ZMYM4: variants seen among roughly 807,000 people sequenced by gnomAD.
ZMYM4 encodes zinc finger MYM-type protein 4.
ZMYM4 carries 31 observed loss-of-function variants against 183.2 expected under a neutral mutation model. The observed-to-expected ratio is 0.17, with a 90% CI of 0.13 to 0.23. The LOEUF (loss-of-function observed/expected upper bound fraction) is 0.23, where lower values mean the gene tolerates loss of function less well. Ranked by LOEUF, ZMYM4 falls within the 10% of genes least tolerant of loss-of-function variation. The pLI, the probability that ZMYM4 is intolerant of heterozygous loss-of-function variation, is 1.00. For synonymous variants in ZMYM4, 592 were observed against 631.2 expected, an observed-to-expected ratio of 0.94 and a Z score of 0.93; for missense variants, 1,273 against 1,840.3, an observed-to-expected ratio of 0.69 and a Z score of 5.64.
At chr1:35,276,780 T>C (rs1302495088) in intron 1 of ZMYM4, among the ~76,000 whole-genome samples, 1 of 152,112 alleles carries the variant, frequency 6.6e-6, no homozygotes, top group Non-Finnish European at 1.5e-5. Context: ...GCTTATTTTG[T>C]GTTTTTAGTA....
At chr1:35,343,916 A>C (rs1643297633) in intron 2 of ZMYM4, among the ~76,000 whole-genome samples, 1 of 151,996 alleles carries the variant, frequency 6.6e-6, no homozygotes, top group South Asian at 2.1e-4. Flanking sequence ...TTGTAGTTAC[A>C]CATACATTTT....
At chr1:35,382,843 G>C (rs1388185708) in intron 9 of ZMYM4, among the ~76,000 whole-genome samples, 1 of 152,076 alleles carries the variant, frequency 6.6e-6, no homozygotes, top group African/African-American at 2.4e-5. Flanking sequence ...ATCTCTCACA[G>C]ATAACAAATC....
At chr1:35,323,387 T>C (rs929245577) in intron 1 of ZMYM4, among the ~76,000 whole-genome samples, 4 of 152,090 alleles carry the variant, frequency 2.6e-5, no homozygotes, top group Non-Finnish European at 4.4e-5. Context: ...ATGAGAAATA[T>C]TGTATAAGAT....
intron 7 of ZMYM4, among the ~76,000 whole-genome samples, chr1:35,375,985 A>AATC (rs982997769): frequency 1.6e-4 from 24 of 152,110 alleles, no homozygotes; most frequent in African/African-American, 5.8e-4. Flanking sequence ...ATGAGGTGAG[A>AATC]GGATTTCTTG....
chr1:35,326,515 G>A (rs1401538911), intron 2 of ZMYM4, among the ~76,000 whole-genome samples: 6 of 152,118 alleles, frequency 3.9e-5, no homozygotes, highest in Non-Finnish European at 8.8e-5. Context: ...GTACTTTTCT[G>A]TGCTGATTAT....
At chr1:35,409,595 T>A (rs916547801) in intron 26 of ZMYM4, among the ~76,000 whole-genome samples, 1 of 152,132 alleles carries the variant, frequency 6.6e-6, no homozygotes, top group Non-Finnish European at 1.5e-5. Flanking sequence ...TCTATTTAAG[T>A]CCTGTCTTAG....
intron 1 of ZMYM4, among the ~76,000 whole-genome samples, chr1:35,281,770 A>ATTTCACCC (rs1380353782): frequency 1.3e-5 from 2 of 152,066 alleles, no homozygotes; most frequent in African/African-American, 4.8e-5. Context: ...ACCATTATTC[A>ATTTCACCC]TTTCACCCAC....
chr1:35,407,517 T>C (rs1645026102), intron 25 of ZMYM4, among the ~76,000 whole-genome samples: 1 of 152,200 alleles, frequency 6.6e-6, no homozygotes, highest in Non-Finnish European at 1.5e-5. Context: ...CATTAAGCAC[T>C]GTGAATTCTT....
chr1:35,322,073 A>G (rs1570349336), intron 1 of ZMYM4, among the ~76,000 whole-genome samples: 2 of 152,072 alleles, frequency 1.3e-5, no homozygotes, highest in African/African-American at 2.4e-5. Flanking sequence ...AAGATATACT[A>G]TTGGGTTTTT....
At chr1:35,335,262 A>T in intron 2 of ZMYM4, among the ~76,000 whole-genome samples, 2 of 149,546 alleles carry the variant, frequency 1.3e-5, no homozygotes, top group African/African-American at 2.5e-5. Flanking sequence ...TCCCAGACAG[A>T]GTCTCGCTGT....
intron 17 of ZMYM4, 122 bp downstream of exon 17, chr1:35,392,806 A>G: frequency 1.5e-6 from 1 of 673,452 alleles, no homozygotes; most frequent in South Asian, 2.6e-5. Flanking sequence ...TCATTAGCTC[A>G]TTTAATCTTT....
In ZMYM4 at chr1:35,302,060, G is replaced by C. The variant is rs999717056; in HGVS notation, c.40-23300G>C. On this transcript the variant is annotated intron_variant, in intron 1 of 29. Transcript: ENST00000314607. The stretch of plus-strand genomic sequence containing the variant: ...CACTCTCTGTTACTTCATAATAGCC[G>C]AAAAGTTGAAATCCTGTTCCATTCA... 2.0e-5 allele frequency among the ~76,000 whole-genome samples: 3 copies of C among 152,266 alleles called. No homozygotes were observed. The South Asian group carries it at 6.2e-4, about 32-fold the overall frequency.
At chr1:35,337,972 T>A (rs1643045894) in intron 2 of ZMYM4, among the ~76,000 whole-genome samples, 1 of 152,138 alleles carries the variant, frequency 6.6e-6, no homozygotes, top group Non-Finnish European at 1.5e-5. Flanking sequence ...ATATAGATAG[T>A]ACATAAATGG....
chr1:35,344,168 C>T (rs1362949996), intron 2 of ZMYM4, among the ~76,000 whole-genome samples: 1 of 151,974 alleles, frequency 6.6e-6, no homozygotes, highest in East Asian at 2.0e-4. Context: ...ATTCTCGTGC[C>T]TCAGCCTCCT....
intron 2 of ZMYM4, among the ~76,000 whole-genome samples, chr1:35,350,068 T>C (rs956497177): frequency 6.6e-6 from 1 of 151,628 alleles, no homozygotes; most frequent in African/African-American, 2.4e-5. Flanking sequence ...GCTCAAGTGA[T>C]CCTCCTGCCT....
At chr1:35,412,031 C>A (rs1558197710) in intron 26 of ZMYM4, among the ~76,000 whole-genome samples, 1 of 152,010 alleles carries the variant, frequency 6.6e-6, no homozygotes. Flanking sequence ...CTACAGGCGC[C>A]CGCCACCGCG....
chr1:35,284,801 A>T (rs910056653), intron 1 of ZMYM4, among the ~76,000 whole-genome samples: 5 of 152,118 alleles, frequency 3.3e-5, no homozygotes, highest in Admixed American at 3.3e-4. Flanking sequence ...GAGGTGAGAG[A>T]GAGTGTAAGC....
chr1:35,341,435 T>A (rs1175238292), intron 2 of ZMYM4, among the ~76,000 whole-genome samples: 1 of 152,086 alleles, frequency 6.6e-6, no homozygotes, highest in Non-Finnish European at 1.5e-5. Flanking sequence ...TCACTAACAT[T>A]TTATTTTCAA....
intron 1 of ZMYM4, among the ~76,000 whole-genome samples, chr1:35,297,911 C>G (rs946059297): frequency 2.6e-5 from 4 of 152,198 alleles, no homozygotes; most frequent in Admixed American, 2.6e-4. Flanking sequence ...AGAAACCACA[C>G]AGTAATTTGA....
Sources: allele counts gnomAD v4.1 joint callset (sites outside exome capture counted in the v4.1 genomes callset), GRCh38; gene constraint gnomAD v4.1.1; transcripts MANE v1.5; gene names NCBI Gene and HGNC (gene_info 2026-07-23, HGNC 2026-07-21).